The following CEP44 variants were observed in gnomAD, a reference collection of about 807,000 sequenced individuals.
CEP44 encodes the protein centrosomal protein of 44 kDa.
Under a neutral mutation model 46.7 loss-of-function variants are expected in CEP44, and 45 were observed. The ratio of observed to expected loss-of-function variants is 0.96; its 90% CI spans 0.76 to 1.24. The LOEUF is 1.24. Among genes scored for constraint, CEP44 ranks in the 50% most tolerant of loss-of-function variants. The pLI, the probability that CEP44 is intolerant of heterozygous loss-of-function variation, is 0.00. For missense variants in CEP44, 475 were observed against 459.7 expected, an observed-to-expected ratio of 1.03 and a Z score of -0.30; for synonymous variants, 142 against 146.0, an observed-to-expected ratio of 0.97 and a Z score of 0.20.
chr4:174,324,802 C>T (rs765127731), downstream of CEP44, among the ~76,000 whole-genome samples: 4 of 152,090 alleles, frequency 2.6e-5, no homozygotes, highest in Non-Finnish European at 2.9e-5. Context: ...TCCAAGAAAC[C>T]AATCATATAT....
At position 174,316,244 on chromosome 4, in the gene CEP44, C is replaced by G; in HGVS notation, c.1040C>G (p.Pro347Arg). Residue 347 changes from proline (P) to arginine (R), a missense_variant, in exon 10 of 12, where the codon CCC becomes CGC. Transcript: ENST00000503780. ...GYSTASSDST[P>R]RASTVNYCGL... Reference sequence around the variant, plus strand: ...AGTACAGCATCATCAGATTCAACTCCCAGAGCCTCTACTGTTAATTACTGT... The same window carrying G: ...AGTACAGCATCATCAGATTCAACTCGCAGAGCCTCTACTGTTAATTACTGT... The G allele has an allele frequency of 6.2e-7, 1 of 1,612,418 alleles. No individual in the cohort carries two copies. Among genetic ancestry groups the G allele is most frequent in the Non-Finnish European group, 8.5e-7 (1 of 1,178,482 alleles).
At chr4:174,300,395 A>T (rs142774869) in intron 3 of CEP44, among the ~76,000 whole-genome samples, 3,464 of 152,252 alleles carry the variant, frequency 0.023, 60 homozygotes, top group Non-Finnish European at 0.034. Context: ...GAAAATCCTG[A>T]CCATCCAGAA....
At chr4:174,302,584 G>A (rs2126591822) in intron 4 of CEP44, among the ~76,000 whole-genome samples, 1 of 151,826 alleles carries the variant, frequency 6.6e-6, no homozygotes, top group Non-Finnish European at 1.5e-5. Flanking sequence ...TTATTAAACT[G>A]ATATATTCTT....
intron 6 of CEP44, 116 bp downstream of exon 6, chr4:174,304,485 C>A: frequency 2.1e-6 from 3 of 1,396,730 alleles, no homozygotes; most frequent in Non-Finnish European, 1.9e-6. Flanking sequence ...TATTGGAGTT[C>A]ATTGATTTTT....
In CEP44 at chr4:174,287,987, T is replaced by G. The variant is rs555774552; in HGVS notation, c.-148+4044T>G. Among the ~76,000 whole-genome samples the G allele has an allele frequency of 1.8e-4, 28 of 152,270 alleles. No homozygotes were observed. In the South Asian group the frequency reaches 2.3e-3, roughly 12 times the overall value. On this transcript the variant is annotated intron_variant, in intron 1 of 11. Coordinates refer to ENST00000503780, the MANE Select transcript of CEP44 (RefSeq NM_001040157.3). This position sits in a 1 kb window ranked among gnomAD's most constrained non-coding sequence, Gnocchi z 5.1. ...TTGGGTGAAAAGTGAAAACTTGGAT[T>G]TTGTAGTCCAGGCCCTTAATTAAGT...
chr4:174,303,932 G>A, intron 5 of CEP44, 83 bp downstream of exon 5: 1 of 928,340 alleles, frequency 1.1e-6, no homozygotes, highest in Non-Finnish European at 1.6e-6. Context: ...CAAAACCCTA[G>A]ACAGCAAATT....
chr4:174,315,697 C>T (rs1350342500), intron 9 of CEP44, among the ~76,000 whole-genome samples: 3 of 151,562 alleles, frequency 2.0e-5, no homozygotes, highest in Admixed American at 1.3e-4. Context: ...AAAAATTAGC[C>T]GGGCGTGGTA....
intron 1 of CEP44, among the ~76,000 whole-genome samples, chr4:174,292,879 C>A (rs1738398568): frequency 1.3e-5 from 2 of 152,164 alleles, no homozygotes; most frequent in Admixed American, 6.5e-5. Context: ...CATGGATCTT[C>A]ATCTTGTTAT....
intron 7 of CEP44, 79 bp downstream of exon 7, chr4:174,308,938 G>T: frequency 8.1e-7 from 1 of 1,230,314 alleles, no homozygotes; most frequent in South Asian, 1.3e-5. Context: ...TCTAAACTTT[G>T]GAATATTTCT....
rs79064523 is a variant in CEP44, at chr4:174,319,455, C to T, written c.*2072C>T. 1 of 973,504 alleles carries T rather than the reference C, an allele frequency of 1.0e-6. No homozygotes were observed. Among genetic ancestry groups the T allele is most frequent in the Non-Finnish European group, 1.2e-6 (1 of 819,306 alleles). The allele number at this position is 973,504 out of a possible 1,614,324, so 60.3% of individuals were successfully genotyped here. Reference sequence around the variant, plus strand: ...AATATTTTTTCCCTTTTGAAAAATTCAATTTTAAAAAGAAACATTTTTGAA... The same window carrying T: ...AATATTTTTTCCCTTTTGAAAAATTTAATTTTAAAAAGAAACATTTTTGAA... On this transcript the variant is annotated 3_prime_UTR_variant, in exon 12 of 12. Transcript: ENST00000503780.
chr4:174,290,912 CTT>C lies in CEP44; in HGVS notation c.-148+6972_-148+6973del, dbSNP rs1426546922. Among the ~76,000 whole-genome samples, 1 of 152,098 alleles carries C rather than the reference CTT, an allele frequency of 6.6e-6. No individual in the cohort carries two copies. Among genetic ancestry groups the C allele is most frequent in the African/African-American group, 2.4e-5 (1 of 41,412 alleles). ...CTATTATATAATGCCTTCTTTGTCT[CTT>C]TTGACAGTTGTCGACTTAAAGTCTA... On this transcript the variant is annotated intron_variant, in intron 1 of 11. Transcript: ENST00000503780. The surrounding 1 kb of genome is among the most constrained non-coding windows in gnomAD (Gnocchi z 4.3).
At chr4:174,308,298 A>G (rs376484086) in intron 6 of CEP44, among the ~76,000 whole-genome samples, 2 of 152,212 alleles carry the variant, frequency 1.3e-5, no homozygotes, top group African/African-American at 4.8e-5. Flanking sequence ...CTGTAGCCGT[A>G]AAAAATAATG....
chr4:174,320,760 C>G (rs954687430), downstream of CEP44, among the ~76,000 whole-genome samples: 1 of 144,010 alleles, frequency 6.9e-6, no homozygotes, highest in African/African-American at 2.5e-5. Flanking sequence ...CAGCTTGTAT[C>G]TTATTTACTG....
Position 174,316,543 on chromosome 4 carries a change from A to G in CEP44, c.1100A>G (p.Gln367Arg). Residue 367 changes from glutamine (Q) to arginine (R), a missense_variant, in exon 11 of 12, where the codon CAG becomes CGG. Physicochemically the swap from Gln to Arg is conservative, Grantham distance 43 (BLOSUM62 1). Coordinates refer to ENST00000503780, the MANE Select transcript of CEP44 (RefSeq NM_001040157.3). ...LNEISEETTI[Q>R]KMERMKKMFE... ...TTTAAATTAAAGGAAACAACAATCCAGAAAATGGAAAGGATGAAAAAAATG... is the reference window on the plus strand; with the variant it reads ...TTTAAATTAAAGGAAACAACAATCCGGAAAATGGAAAGGATGAAAAAAATG... The G allele has an allele frequency of 6.3e-7, 1 of 1,589,006 alleles. No homozygotes were observed. The highest frequency in any genetic ancestry group is 1.7e-4 in the Middle Eastern group (1 of 5,972).
intron 1 of CEP44, among the ~76,000 whole-genome samples, chr4:174,284,543 C>T (rs533461216): frequency 6.6e-6 from 1 of 152,274 alleles, no homozygotes; most frequent in East Asian, 1.9e-4. Flanking sequence ...CAGATTTTTC[C>T]CTCACTGTAA....
At position 174,326,893 on chromosome 4, in the gene CEP44, A is replaced by C. The variant is rs1223570865; in HGVS notation, c.1087-4589A>C. ...TATTTTTATCTTTGTTTCTTTATGG[A>C]ATCTGTCTTTTTTTACTTTGTCTGC... On this transcript the variant is annotated intron_variant, in intron 8 of 8. Coordinates refer to the CEP44 transcript ENST00000426172. This position sits in a 1 kb window ranked among gnomAD's most constrained non-coding sequence, Gnocchi z 4.8. Among the ~76,000 whole-genome samples, 1 of 151,796 alleles carries C rather than the reference A, an allele frequency of 6.6e-6. No homozygotes were observed. Among genetic ancestry groups the C allele is most frequent in the Non-Finnish European group, 1.5e-5 (1 of 67,892 alleles).
At chr4:174,296,703 GA>G (rs766064995) in intron 1 of CEP44, among the ~76,000 whole-genome samples, 21 of 149,450 alleles carry the variant, frequency 1.4e-4, no homozygotes, top group Non-Finnish European at 2.8e-4. Context: ...GTTGTTTGAT[GA>G]AGTAGTCTAT....
intron 4 of CEP44, 72 bp from the exon 5 acceptor site, chr4:174,303,631 G>C (rs575353488): frequency 9.4e-6 from 9 of 954,450 alleles, no homozygotes; most frequent in East Asian, 7.5e-5. Context: ...CCCCTGACCA[G>C]GTGGGCATTA....
At chr4:174,317,145 A>G (rs1195597535) in intron 11 of CEP44, among the ~76,000 whole-genome samples, 190 bp from the exon 12 acceptor site, 3 of 152,054 alleles carry the variant, frequency 2.0e-5, no homozygotes, top group Non-Finnish European at 4.4e-5. Flanking sequence ...CACTTCAAGA[A>G]TATGACTCAT....
Sources: gnomAD v4.1 joint callset for allele counts (sites outside exome capture counted in the v4.1 genomes callset) on GRCh38, gnomAD v4.1.1 for gene constraint, Gnocchi (gnomAD v3.1) non-coding constraint, MANE v1.5 for transcripts, NCBI Gene and HGNC (gene_info 2026-07-23, HGNC 2026-07-21) for gene names.